Variants in CEP55 observed in about 807,000 individuals in gnomAD.
The protein encoded by CEP55 is centrosomal protein 55, also known as centrosomal protein of 55 kDa.
Under a neutral mutation model 63.2 loss-of-function variants are expected in CEP55, and 57 were observed. The ratio of observed to expected loss-of-function variants is 0.90; its 90% confidence interval spans 0.73 to 1.13. The LOEUF (loss-of-function observed/expected upper bound fraction) is 1.13. CEP55 is among the 50% of genes most tolerant of loss of function. CEP55 has a pLI of 0.00. For synonymous variants in CEP55, 178 were observed against 191.6 expected, an observed-to-expected ratio of 0.93 and a Z score of 0.59; for missense variants, 456 against 518.9, an observed-to-expected ratio of 0.88 and a Z score of 1.18.
At chr10:93,510,937 CTTTTTTT>C (rs572255812) in intron 4 of CEP55, among the ~76,000 whole-genome samples, 1 of 118,124 alleles carries the variant, frequency 8.5e-6, no homozygotes, top group East Asian at 2.6e-4. Flanking sequence ...TTCCACAGGA[CTTTTTTT>C]TTTTTTTTTT....
intron 8 of CEP55, among the ~76,000 whole-genome samples, chr10:93,521,327 C>A (rs568244813): frequency 6.6e-6 from 1 of 152,296 alleles, no homozygotes; most frequent in South Asian, 2.1e-4. Context: ...GGGTCCTACA[C>A]CTACGGAGCC....
At chr10:93,510,412 C>G (rs1265849754) in intron 4 of CEP55, 3 of 152,102 alleles carry the variant, frequency 2.0e-5, no homozygotes, top group Admixed American at 1.3e-4. Flanking sequence ...ATATAACGCC[C>G]ATATCCCCTT....
At chr10:93,526,130 T>C (rs1175443555) in intron 8 of CEP55, among the ~76,000 whole-genome samples, 1 of 152,122 alleles carries the variant, frequency 6.6e-6, no homozygotes, top group African/African-American at 2.4e-5. Flanking sequence ...CAAAAGAAAC[T>C]ACCATCAGAG....
In CEP55 at chr10:93,497,477, G is replaced by A. The variant is rs370851815; in HGVS notation, c.-13+554G>A. Among the ~76,000 whole-genome samples the A allele has an allele frequency of 2.0e-5, 3 of 151,850 alleles. No individual in the cohort carries two copies. The South Asian group carries it at 6.2e-4, about 32-fold the overall frequency. On this transcript the variant is annotated intron_variant, in intron 1 of 8. Transcript: ENST00000371485. ...GACAGGGTTTCGCCATGTTGGGCAG[G>A]CTGGTCTCGAACTCCTGACCTCAGA...
intron 8 of CEP55, among the ~76,000 whole-genome samples, chr10:93,526,121 A>C (rs1465496494): frequency 1.3e-5 from 2 of 152,222 alleles, no homozygotes; most frequent in African/African-American, 2.4e-5. Flanking sequence ...TCTGCACAGC[A>C]AAAGAAACTA....
At chr10:93,515,959 A>G (rs2057799549) in intron 5 of CEP55, among the ~76,000 whole-genome samples, 1 of 152,192 alleles carries the variant, frequency 6.6e-6, no homozygotes, top group Admixed American at 6.5e-5. Context: ...TCCTTAAATC[A>G]TTTGAACTTC....
At position 93,528,027 on chromosome 10, in the gene CEP55, C is replaced by T. The variant is rs781021700; in HGVS notation, c.1269C>T (p.Ala423=). The change falls in exon 9 of 9, where the codon GCC becomes GCT. Residue 423 remains alanine (A), a synonymous_variant. Transcript: ENST00000371485. ...AGACTGAAAACAGAGAAAAAGTTGC[C>T]GCCTCACCAAAAAGTCCCACTGCTG... ...QGETENREKV[A]ASPKSPTAAL... 209 of 1,613,826 alleles carry T rather than the reference C, an allele frequency of 1.3e-4. No homozygotes were observed. The highest frequency in any genetic ancestry group is 1.7e-4 in the Non-Finnish European group (202 of 1,179,976).
intron 4 of CEP55, among the ~76,000 whole-genome samples, chr10:93,513,057 G>A (rs2057768778): frequency 6.6e-6 from 1 of 152,072 alleles, no homozygotes; most frequent in Non-Finnish European, 1.5e-5. Context: ...AGTGAAAACA[G>A]CCATCCACAG....
chr10:93,512,088 G>A (rs1362994511), intron 4 of CEP55, among the ~76,000 whole-genome samples: 2 of 151,672 alleles, frequency 1.3e-5, no homozygotes, highest in South Asian at 2.1e-4. Context: ...AAAGCTGGGC[G>A]TGGTGGTACA....
At chr10:93,525,111 A>G (rs2057907445) in intron 8 of CEP55, among the ~76,000 whole-genome samples, 1 of 151,926 alleles carries the variant, frequency 6.6e-6, no homozygotes, top group African/African-American at 2.4e-5. Flanking sequence ...AGGAGAAGGA[A>G]ATAAAGGGTA....
chr10:93,502,261 A>G (rs549281589), intron 2 of CEP55, among the ~76,000 whole-genome samples: 1 of 152,332 alleles, frequency 6.6e-6, no homozygotes, highest in South Asian at 2.1e-4. Context: ...TGGATACTGT[A>G]CTCCATTAAA....
chr10:93,519,118 G>C (rs1670745805), intron 7 of CEP55, 170 bp downstream of exon 7: 2 of 552,146 alleles, frequency 3.6e-6, no homozygotes, highest in African/African-American at 3.8e-5. Context: ...AAGAGACTCT[G>C]CTAGCCACTT....
intron 3 of CEP55, among the ~76,000 whole-genome samples, chr10:93,505,101 C>T (rs747902631): frequency 1.3e-5 from 2 of 152,144 alleles, no homozygotes; most frequent in Non-Finnish European, 1.5e-5. Flanking sequence ...CATAAGCCAC[C>T]GTATCTGGCC....
intron 2 of CEP55, among the ~76,000 whole-genome samples, chr10:93,500,761 CT>C (rs72218522): frequency 0.053 from 7,582 of 142,970 alleles, 521 homozygotes; most frequent in African/African-American, 0.17. Flanking sequence ...ATTTTCCATA[CT>C]TTTTTTTTTT....
intron 8 of CEP55, among the ~76,000 whole-genome samples, chr10:93,523,829 C>T (rs1229919624): frequency 2.6e-5 from 4 of 152,212 alleles, no homozygotes; most frequent in Non-Finnish European, 5.9e-5. Flanking sequence ...CAACCTGCTC[C>T]TGAATGACTA....
chr10:93,504,496 T>A (rs11187481), intron 3 of CEP55, among the ~76,000 whole-genome samples: 79,784 of 151,650 alleles, frequency 0.53, 23,128 homozygotes, highest in Non-Finnish European at 0.65. Flanking sequence ...TCATCTATAG[T>A]AGAAAATCTG....
intron 8 of CEP55, among the ~76,000 whole-genome samples, chr10:93,525,700 C>T (rs1468720331): frequency 6.6e-6 from 1 of 151,876 alleles, no homozygotes; most frequent in African/African-American, 2.4e-5. Context: ...TACAAGGCTA[C>T]AGTAACCAAA....
chr10:93,515,228 C>A (rs768145052), intron 4 of CEP55, among the ~76,000 whole-genome samples, 177 bp from the exon 5 acceptor site: 6 of 152,156 alleles, frequency 3.9e-5, no homozygotes, highest in Admixed American at 2.0e-4. Context: ...ACATAAACTA[C>A]GATGGTGTCA....
At chr10:93,525,627 A>G (rs2057913947) in intron 8 of CEP55, among the ~76,000 whole-genome samples, 2 of 151,772 alleles carry the variant, frequency 1.3e-5, no homozygotes, top group South Asian at 4.2e-4. Flanking sequence ...CCGCATCGCC[A>G]AGTCAATCCT....
Sources: gnomAD v4.1 joint callset for allele counts (sites outside exome capture counted in the v4.1 genomes callset) on GRCh38, gnomAD v4.1.1 for gene constraint, MANE v1.5 for transcripts, NCBI Gene and HGNC (gene_info 2026-07-23, HGNC 2026-07-21) for gene names.